The following PTPRD variants were observed in gnomAD, a reference collection of about 807,000 sequenced individuals.
PTPRD encodes the protein protein tyrosine phosphatase receptor type D.
A neutral mutation model predicts 214.5 loss-of-function variants in PTPRD; 34 were observed. That is an observed-to-expected ratio of 0.16 (90% CI 0.12 to 0.21). PTPRD has a LOEUF of 0.21. Ranked by LOEUF, PTPRD falls within the 10% of genes least tolerant of loss-of-function variation. The probability of loss-of-function intolerance (pLI) is 1.00; values close to 1 mark genes in which losing one functional copy is unlikely to be tolerated. For synonymous variants in PTPRD, 1,128 were observed against 845.7 expected (o/e 1.33, Z -5.79); for missense variants, 2,545 against 2,398.7 (o/e 1.06, Z -1.27).
chr9:9,736,943 C>G (rs1218506528), intron 6 of PTPRD, among the ~76,000 whole-genome samples: 1 of 151,936 alleles, frequency 6.6e-6, no homozygotes, highest in Non-Finnish European at 1.5e-5. Flanking sequence ...TTAATGCAGT[C>G]CTATTGAATC....
intron 5 of PTPRD, among the ~76,000 whole-genome samples, chr9:9,874,182 G>A (rs764326402): frequency 1.3e-5 from 2 of 152,154 alleles, no homozygotes; most frequent in Non-Finnish European, 2.9e-5. Context: ...AGCCTGTCAA[G>A]GGGACATGCC....
intron 34 of PTPRD, 41 bp from the exon 35 acceptor site, chr9:8,436,730 T>A: frequency 6.8e-7 from 1 of 1,476,320 alleles, no homozygotes; most frequent in Non-Finnish European, 9.4e-7. Context: ...TGAAAACAAA[T>A]GAAAATGATG....
chr9:10,088,257 A>G (rs1446976456), intron 3 of PTPRD, among the ~76,000 whole-genome samples: 1 of 151,768 alleles, frequency 6.6e-6, no homozygotes, highest in Non-Finnish European at 1.5e-5. Flanking sequence ...TACCAGTAGG[A>G]AATTTCTTCT....
chr9:10,020,536 C>T (rs2154119100), intron 4 of PTPRD, among the ~76,000 whole-genome samples: 1 of 104,050 alleles, frequency 9.6e-6, no homozygotes. Flanking sequence ...GGCTTGACTT[C>T]ATGATCCTTT....
At chr9:9,068,713 G>A (rs2099739179) in intron 10 of PTPRD, among the ~76,000 whole-genome samples, 1 of 152,078 alleles carries the variant, frequency 6.6e-6, no homozygotes, top group Admixed American at 6.6e-5. Context: ...CCTGGTTCCA[G>A]CAATTCTCCT....
chr9:9,586,265 T>G (rs1210136726), intron 7 of PTPRD, among the ~76,000 whole-genome samples: 1 of 152,044 alleles, frequency 6.6e-6, no homozygotes, highest in African/African-American at 2.4e-5. Flanking sequence ...ATTATTTGGT[T>G]CTTGAGATCA....
intron 2 of PTPRD, among the ~76,000 whole-genome samples, chr9:10,561,050 C>G (rs1229437835): frequency 6.6e-6 from 1 of 152,152 alleles, no homozygotes; most frequent in East Asian, 1.9e-4. Context: ...TTTTTCAATT[C>G]TTCCAAATAC....
chr9:8,468,922 T>A (rs931930056), intron 31 of PTPRD, among the ~76,000 whole-genome samples: 2 of 151,902 alleles, frequency 1.3e-5, no homozygotes, highest in African/African-American at 4.8e-5. Context: ...TGGAGGTAAT[T>A]CCAGAAGATA....
At chr9:9,690,545 G>A (rs1278777818) in intron 7 of PTPRD, among the ~76,000 whole-genome samples, 1 of 151,654 alleles carries the variant, frequency 6.6e-6, no homozygotes, top group Non-Finnish European at 1.5e-5. Context: ...TCAAATCATT[G>A]CCCAGAGCAA....
chr9:10,524,836 A>G (rs2134354247), intron 2 of PTPRD, among the ~76,000 whole-genome samples: 1 of 152,176 alleles, frequency 6.6e-6, no homozygotes, highest in Admixed American at 6.6e-5. Flanking sequence ...ATTGTAAAAG[A>G]AGGTACCTGT....
chr9:10,518,305 T>C lies in PTPRD; in HGVS notation c.-600+94093A>G, dbSNP rs888315583. Among the ~76,000 whole-genome samples, 5 of 152,156 alleles carry C rather than the reference T, an allele frequency of 3.3e-5. No individual in the cohort carries two copies. The East Asian group carries it at 9.6e-4, about 29-fold the overall frequency. On this transcript the variant is annotated intron_variant, in intron 2 of 45. Coordinates refer to ENST00000381196, the MANE Select transcript of PTPRD (RefSeq NM_002839.4). ...TAGGGAAGCTGAAGAGCCTGGCGTATGGTTGTACATCTCACTTCCAGAGAC... is the reference window on the plus strand; with the variant it reads ...TAGGGAAGCTGAAGAGCCTGGCGTACGGTTGTACATCTCACTTCCAGAGAC...
At chr9:9,075,909 C>T (rs755939991) in intron 10 of PTPRD, among the ~76,000 whole-genome samples, 5 of 152,098 alleles carry the variant, frequency 3.3e-5, no homozygotes, top group Non-Finnish European at 7.4e-5. Context: ...GATTTATAAT[C>T]CTTTGGGTAT....
rs2138446502 is a variant in PTPRD at position 8,517,841 on chromosome 9, A to T, written c.1543+7T>A. Reference sequence around the variant, plus strand: ...CCTGCCCTATTTCCCTCCTCAACCAAACTTACCTCCTGTCTGAGTGATGAC... The same window carrying T: ...CCTGCCCTATTTCCCTCCTCAACCATACTTACCTCCTGTCTGAGTGATGAC... On this transcript the variant is annotated splice_region_variant and intron_variant, in intron 21 of 45. Coordinates refer to ENST00000381196, the MANE Select transcript of PTPRD (RefSeq NM_002839.4). The T allele has an allele frequency of 6.2e-7, 1 of 1,608,518 alleles. No individual in the cohort carries two copies. Among genetic ancestry groups the T allele is most frequent in the East Asian group, 2.2e-5 (1 of 44,820 alleles).
chr9:8,803,969 C>A lies in PTPRD; in HGVS notation c.-103-70023G>T, dbSNP rs767583299. On this transcript the variant is annotated intron_variant, in intron 11 of 45. Coordinates refer to ENST00000381196, the MANE Select transcript of PTPRD (RefSeq NM_002839.4). ...CCCTCACTTCTTCCCTCCACCCCCC[C>A]ACAGACGGAGTCTCGCTCTGTTGCC... Among the ~76,000 whole-genome samples, 10 of 151,900 alleles carry A rather than the reference C, an allele frequency of 6.6e-5. No individual in the cohort carries two copies. In the East Asian group the frequency reaches 7.8e-4, roughly 12 times the overall value.
chr9:9,194,501 T>C (rs888353954), intron 9 of PTPRD, among the ~76,000 whole-genome samples: 1 of 152,134 alleles, frequency 6.6e-6, no homozygotes, highest in Non-Finnish European at 1.5e-5. Flanking sequence ...ACAATGGCTG[T>C]GATGTCACTG....
intron 11 of PTPRD, chr9:8,857,733 G>A: frequency 6.4e-6 from 1 of 155,930 alleles, no homozygotes; most frequent in Non-Finnish European, 1.4e-5. Flanking sequence ...CGGCCGCGCC[G>A]CCGCCTCCGG....
At chr9:10,471,506 T>C (rs564386666) in intron 2 of PTPRD, among the ~76,000 whole-genome samples, 1 of 152,032 alleles carries the variant, frequency 6.6e-6, no homozygotes, top group African/African-American at 2.4e-5. Flanking sequence ...GTCATCTGAG[T>C]TTTTAGTGTT....
intron 3 of PTPRD, among the ~76,000 whole-genome samples, chr9:10,081,343 TG>T (rs749157718): frequency 4.6e-5 from 7 of 152,080 alleles, no homozygotes; most frequent in Non-Finnish European, 1.0e-4. Flanking sequence ...AAAAAGGCAA[TG>T]GGGGTTACAA....
intron 7 of PTPRD, among the ~76,000 whole-genome samples, chr9:9,669,516 A>G (rs952139475): frequency 1.3e-5 from 2 of 152,314 alleles, no homozygotes; most frequent in East Asian, 3.9e-4. Context: ...CACATTAAAC[A>G]CATTTTGAAA....
Sources: allele counts gnomAD v4.1 joint callset (sites outside exome capture counted in the v4.1 genomes callset), GRCh38; gene constraint gnomAD v4.1.1; transcripts MANE v1.5; gene names NCBI Gene and HGNC (gene_info 2026-07-23, HGNC 2026-07-21).